The following LRP1B variants were observed in gnomAD, a reference collection of about 807,000 sequenced individuals.
LRP1B encodes low-density lipoprotein receptor-related protein 1B.
In LRP1B, 217 loss-of-function variants were observed where a neutral mutation model predicts 556.6. The observed-to-expected ratio is 0.39, with a 90% confidence interval of 0.35 to 0.44. LRP1B has a LOEUF of 0.44. Among genes scored for constraint, LRP1B ranks in the 20% least tolerant of loss-of-function variants. The probability of loss-of-function intolerance (pLI) is 1.00; values close to 1 mark genes in which losing one functional copy is unlikely to be tolerated. For missense variants in LRP1B, 5,053 were observed against 5,620.8 expected (o/e 0.90, Z 3.23); for synonymous variants, 2,047 against 1,865.8 (o/e 1.10, Z -2.50).
chr2:140,773,954 T>C lies in LRP1B; in HGVS notation c.5500+2144A>G, dbSNP rs560613215. 2.6e-5 allele frequency among the ~76,000 whole-genome samples: 4 copies of C among 152,256 alleles called. No individual in the cohort carries two copies. The East Asian group carries it at 5.8e-4, about 22-fold the overall frequency. On this transcript the variant is annotated intron_variant, in intron 33 of 90. Coordinates refer to ENST00000389484, the MANE Select transcript of LRP1B (RefSeq NM_018557.3). ...GCTTAATAATTTATAATGATATTGATGTTGAAACCTCATGCCCCAAATCTC... is the reference window on the plus strand; with the variant it reads ...GCTTAATAATTTATAATGATATTGACGTTGAAACCTCATGCCCCAAATCTC...
chr2:140,986,163 A>T (rs1427563078), intron 17 of LRP1B, among the ~76,000 whole-genome samples: 3 of 151,538 alleles, frequency 2.0e-5, no homozygotes, highest in Admixed American at 6.6e-5. Context: ...TTTATTTTTA[A>T]ATTCATTTTT....
At chr2:140,261,007 T>C (rs1468400325) in intron 86 of LRP1B, among the ~76,000 whole-genome samples, 1 of 151,340 alleles carries the variant, frequency 6.6e-6, no homozygotes, top group African/African-American at 2.4e-5. Context: ...TAAATATCTG[T>C]TGATGAGTGG....
chr2:141,490,184 T>C (rs887533822), intron 2 of LRP1B, among the ~76,000 whole-genome samples: 1 of 152,150 alleles, frequency 6.6e-6, no homozygotes, highest in South Asian at 2.1e-4. Flanking sequence ...ATCTAACATA[T>C]AGAGCTTTAT....
intron 2 of LRP1B, among the ~76,000 whole-genome samples, chr2:141,657,234 A>C (rs1690046131): frequency 6.6e-6 from 1 of 152,164 alleles, no homozygotes; most frequent in Admixed American, 6.5e-5. Flanking sequence ...AGAGTGTAGT[A>C]AATGACCAAA....
intron 84 of LRP1B, among the ~76,000 whole-genome samples, chr2:140,290,769 T>G (rs1683339328): frequency 6.6e-6 from 1 of 152,040 alleles, no homozygotes. Flanking sequence ...AAGACCAGGT[T>G]GAGCCAGTAT....
At chr2:141,059,704 T>A (rs945588707) in intron 8 of LRP1B, among the ~76,000 whole-genome samples, 1 of 151,822 alleles carries the variant, frequency 6.6e-6, no homozygotes, top group Admixed American at 6.6e-5. Flanking sequence ...AGAATTATGA[T>A]GTTTATTGCT....
chr2:140,536,174 G>A (rs1690957078), intron 46 of LRP1B, among the ~76,000 whole-genome samples: 1 of 151,318 alleles, frequency 6.6e-6, no homozygotes, highest in Non-Finnish European at 1.5e-5. Context: ...GCTGGGTGTG[G>A]TGCTCAGAAT....
intron 2 of LRP1B, among the ~76,000 whole-genome samples, chr2:141,658,020 C>T (rs927878083): frequency 1.3e-5 from 2 of 152,138 alleles, no homozygotes; most frequent in African/African-American, 4.8e-5. Context: ...GAAAATGTAT[C>T]CTTGCCAAAT....
intron 1 of LRP1B, among the ~76,000 whole-genome samples, chr2:141,929,575 G>A (rs1255691732): frequency 6.6e-6 from 1 of 151,896 alleles, no homozygotes; most frequent in East Asian, 1.9e-4. Context: ...ATGGGAAAAT[G>A]ATTGCTTCGT....
At chr2:141,975,169 T>C (rs1701850550) in intron 1 of LRP1B, among the ~76,000 whole-genome samples, 1 of 152,056 alleles carries the variant, frequency 6.6e-6, no homozygotes, top group South Asian at 2.1e-4. Context: ...ATTTGACTAA[T>C]ACATGAACTG....
chr2:141,145,561 T>C (rs1032416239), intron 7 of LRP1B, among the ~76,000 whole-genome samples: 2 of 151,916 alleles, frequency 1.3e-5, no homozygotes, highest in Non-Finnish European at 2.9e-5. Context: ...GAGACAGAGT[T>C]TTGCTCTTGT....
At chr2:141,474,000 ATTCC>A (rs70994427) in intron 3 of LRP1B, among the ~76,000 whole-genome samples, 3,996 of 129,320 alleles carry the variant, frequency 0.031, 157 homozygotes, top group East Asian at 0.12. Context: ...GCTTTACTAA[ATTCC>A]TTCCTTCCTT....
At chr2:140,775,779 T>C (rs1391221566) in intron 33 of LRP1B, among the ~76,000 whole-genome samples, 1 of 152,202 alleles carries the variant, frequency 6.6e-6, no homozygotes, top group Admixed American at 6.5e-5. Context: ...ATTCAGATTC[T>C]GGGCTTAACT....
chr2:141,391,494 T>C (rs948555697), intron 3 of LRP1B, among the ~76,000 whole-genome samples: 1 of 151,634 alleles, frequency 6.6e-6, no homozygotes, highest in Non-Finnish European at 1.5e-5. Context: ...CTGACAAAAC[T>C]TCAATAAGGT....
chr2:141,381,331 T>C (rs917640698), intron 3 of LRP1B, among the ~76,000 whole-genome samples: 1 of 147,724 alleles, frequency 6.8e-6, no homozygotes, highest in East Asian at 2.0e-4. Flanking sequence ...AACTTAAAGA[T>C]AGGTCATCAG....
At chr2:140,714,419 A>G (rs1687140820) in intron 37 of LRP1B, among the ~76,000 whole-genome samples, 1 of 152,152 alleles carries the variant, frequency 6.6e-6, no homozygotes, top group Non-Finnish European at 1.5e-5. Context: ...AGAGGTACTT[A>G]AGAAAAAGAA....
At chr2:141,070,476 C>T (rs1345993252) in intron 7 of LRP1B, among the ~76,000 whole-genome samples, 2 of 151,792 alleles carry the variant, frequency 1.3e-5, no homozygotes, top group Non-Finnish European at 2.9e-5. Context: ...CATTCAAAAG[C>T]TAGCAGAAGG....
In LRP1B at chr2:142,081,064, C is replaced by T. The variant is rs573862829; in HGVS notation, c.82+49584G>A. ...AAAATAATAAACCTATGCACTCTTT[C>T]CTTCCTTCAATTTCCTGACTTCCAA... On this transcript the variant is annotated intron_variant, in intron 1 of 90. Coordinates refer to ENST00000389484, the MANE Select transcript of LRP1B (RefSeq NM_018557.3). Among the ~76,000 whole-genome samples, 87 of 152,206 alleles carry T rather than the reference C, an allele frequency of 5.7e-4. 2 individuals are homozygous for T. Among genetic ancestry groups the T allele is most frequent in the African/African-American group, 2.0e-3 (81 of 41,534 alleles).
At chr2:141,864,563 G>GA (rs11320074) in intron 1 of LRP1B, among the ~76,000 whole-genome samples, 27,796 of 143,960 alleles carry the variant, frequency 0.19, 2,979 homozygotes, top group Middle Eastern at 0.31. Flanking sequence ...AATCTTGAGG[G>GA]AAAAAAAAAA....
Sources: allele counts gnomAD v4.1 joint callset (sites outside exome capture counted in the v4.1 genomes callset), GRCh38; gene constraint gnomAD v4.1.1; transcripts MANE v1.5; gene names NCBI Gene and HGNC (gene_info 2026-07-23, HGNC 2026-07-21).